Variants in AGBL3 observed in about 807,000 individuals in gnomAD.
The protein encoded by AGBL3 is AGBL carboxypeptidase 3.
In AGBL3, 68 loss-of-function variants were observed where a neutral mutation model predicts 94.5. The ratio of observed to expected loss-of-function variants is 0.72; its 90% CI spans 0.59 to 0.88. AGBL3 has a LOEUF of 0.88. AGBL3 is among the 40% of genes least tolerant of loss of function. The pLI, the probability that AGBL3 is intolerant of heterozygous loss-of-function variation, is 0.00. For synonymous variants in AGBL3, 354 were observed against 370.7 expected (o/e 0.95, Z 0.52); for missense variants, 934 against 1,103.8 (o/e 0.85, Z 2.18).
rs1159570064 is a variant in AGBL3, at chr7:135,034,154, A to T, written c.563A>T (p.Glu188Val). ...CTTTCTTTCTTGTGTATTAGGGCAG[A>T]ATACGAATACCAATTGACTGTACGC... ...GNLQKVVKVA[E>V]YEYQLTVRPD... The change falls in exon 7 of 17, where the codon GAA becomes GTA. Residue 188 changes from glutamate to valine, a missense_variant. Transcript: ENST00000436302. 4 of 1,532,024 alleles carry T rather than the reference A, an allele frequency of 2.6e-6. No individual in the cohort carries two copies. The highest frequency in any genetic ancestry group is 2.7e-5 in the African/African-American group (2 of 72,752). The allele number at this position is 1,532,024 out of a possible 1,614,324, so 94.9% of individuals were successfully genotyped here.
intron 15 of AGBL3, among the ~76,000 whole-genome samples, chr7:135,111,452 C>T (rs1825625608): frequency 6.6e-6 from 1 of 152,172 alleles, no homozygotes; most frequent in African/African-American, 2.4e-5. Flanking sequence ...TAAACTATTT[C>T]CCTTGATTCA....
At chr7:134,996,937 G>A (rs1811082581) in intron 4 of AGBL3, among the ~76,000 whole-genome samples, 1 of 152,206 alleles carries the variant, frequency 6.6e-6, no homozygotes, top group African/African-American at 2.4e-5. Context: ...ATTCAGAGAA[G>A]CCATTATACT....
chr7:135,135,534 A>T lies in AGBL3; in HGVS notation c.*273A>T. 1 of 248,006 alleles carries T rather than the reference A, an allele frequency of 4.0e-6. No individual in the cohort carries two copies. Among genetic ancestry groups the T allele is most frequent in the Non-Finnish European group, 7.6e-6 (1 of 131,050 alleles). 15.4% of individuals were successfully genotyped at this position (248,006 alleles called of 1,614,324 possible). A position where few individuals can be genotyped will look rare whatever the true frequency, so the allele number is the denominator to read the frequency against. On this transcript the variant is annotated 3_prime_UTR_variant, in exon 17 of 17. Coordinates refer to ENST00000436302, the MANE Select transcript of AGBL3 (RefSeq NM_178563.4). The stretch of plus-strand genomic sequence containing the variant: ...ATGGAAAAAAATCTCTGAAGTTTTG[A>T]TTTCTTCCAAAACTACTTACACATT...
chr7:135,034,929 G>A lies in AGBL3; in HGVS notation c.1337+1G>A. The A allele has an allele frequency of 6.7e-7, 1 of 1,484,686 alleles. No individual in the cohort carries two copies. Among genetic ancestry groups the A allele is most frequent in the South Asian group, 1.4e-5 (1 of 70,680 alleles). The allele number at this position is 1,484,686 out of a possible 1,614,324, so 92.0% of individuals were successfully genotyped here. A position where few individuals can be genotyped will look rare whatever the true frequency, so the allele number is the denominator to read the frequency against. ...GGTATACCCGGAACATGGTTCATAG[G>A]TAAAATAAGCCTCAAATTACCTCTG... On this transcript the variant is annotated splice_donor_variant, in intron 7 of 16. Transcript: ENST00000436302. LOFTEE classifies it high-confidence loss of function.
chr7:135,041,890 A>C (rs1816891160), intron 8 of AGBL3, among the ~76,000 whole-genome samples: 2 of 152,186 alleles, frequency 1.3e-5, no homozygotes, highest in Admixed American at 1.3e-4. Flanking sequence ...ATTTCCAAAA[A>C]GGATATGTGA....
chr7:135,025,376 G>C (rs562257692), intron 5 of AGBL3, among the ~76,000 whole-genome samples: 50 of 151,678 alleles, frequency 3.3e-4, no homozygotes, highest in South Asian at 8.6e-4. Context: ...GCTTCCACAA[G>C]TGAAGGAGAA....
chr7:135,055,240 G>T (rs927495628), intron 11 of AGBL3, among the ~76,000 whole-genome samples: 25 of 152,108 alleles, frequency 1.6e-4, no homozygotes, highest in Non-Finnish European at 3.4e-4. Flanking sequence ...CATGAGTTTG[G>T]GTGGGGACAA....
At chr7:135,037,261 TA>T (rs1300774648) in intron 7 of AGBL3, among the ~76,000 whole-genome samples, 156 bp from the exon 8 acceptor site, 1 of 152,110 alleles carries the variant, frequency 6.6e-6, no homozygotes, top group Non-Finnish European at 1.5e-5. Context: ...ATTGTAGATT[TA>T]AAAAATTGTA....
intron 1 of AGBL3, among the ~76,000 whole-genome samples, chr7:134,987,254 A>G (rs1809584652): frequency 6.6e-6 from 1 of 152,238 alleles, no homozygotes; most frequent in Admixed American, 6.5e-5. Context: ...TTGGTCTCTC[A>G]AGAACGATGG....
At chr7:134,995,040 A>T (rs549710953) in intron 4 of AGBL3, among the ~76,000 whole-genome samples, 1 of 152,296 alleles carries the variant, frequency 6.6e-6, no homozygotes, top group South Asian at 2.1e-4. Context: ...TCCAACAGAG[A>T]AAACACTGCC....
At chr7:135,095,491 C>T (rs947333774) in intron 15 of AGBL3, among the ~76,000 whole-genome samples, 5 of 152,182 alleles carry the variant, frequency 3.3e-5, no homozygotes, top group African/African-American at 7.2e-5. Context: ...AGTCCAATTC[C>T]TTGTCAGATT....
At chr7:135,127,352 C>T (rs1319489796) in intron 16 of AGBL3, among the ~76,000 whole-genome samples, 4 of 151,924 alleles carry the variant, frequency 2.6e-5, no homozygotes, top group South Asian at 2.1e-4. Flanking sequence ...GTCAGAATAT[C>T]GAGACCATCC....
chr7:135,128,291 CAAAAAAAAAAAAA>C (rs61217008), intron 16 of AGBL3, among the ~76,000 whole-genome samples: 4 of 58,070 alleles, frequency 6.9e-5, no homozygotes, highest in South Asian at 2.3e-3. Flanking sequence ...GACTCCATCT[CAAAAAAAAAAAAA>C]AAAAAAAAAA....
intron 11 of AGBL3, among the ~76,000 whole-genome samples, chr7:135,057,313 A>G (rs1166298980): frequency 6.6e-6 from 1 of 152,198 alleles, no homozygotes; most frequent in Non-Finnish European, 1.5e-5. Flanking sequence ...GGGATAACAT[A>G]GGAGGAAAGC....
At chr7:135,059,502 T>G (rs1818638373) in intron 12 of AGBL3, among the ~76,000 whole-genome samples, 1 of 152,232 alleles carries the variant, frequency 6.6e-6, no homozygotes, top group Non-Finnish European at 1.5e-5. Context: ...ACAGAGGTGG[T>G]AGCCTAACAT....
At chr7:135,081,174 C>T (rs545490833) in intron 14 of AGBL3, among the ~76,000 whole-genome samples, 1 of 151,832 alleles carries the variant, frequency 6.6e-6, no homozygotes. Flanking sequence ...ATTTTAATGT[C>T]AAAAATTAAA....
At chr7:135,023,881 T>C (rs1814787016) in intron 5 of AGBL3, among the ~76,000 whole-genome samples, 1 of 152,170 alleles carries the variant, frequency 6.6e-6, no homozygotes, top group Admixed American at 6.5e-5. Flanking sequence ...CCCAGTGGCC[T>C]AGGAGCACTT....
At chr7:135,050,991 A>T in intron 11 of AGBL3, 1 of 414,390 alleles carries the variant, frequency 2.4e-6, no homozygotes, top group South Asian at 1.8e-5. Flanking sequence ...TCTTCTCTTC[A>T]AATTATTTCT....
intron 5 of AGBL3, among the ~76,000 whole-genome samples, chr7:135,030,780 G>A (rs2116407768): frequency 6.6e-6 from 1 of 151,638 alleles, no homozygotes; most frequent in East Asian, 1.9e-4. Flanking sequence ...TTTCAGTTTG[G>A]ACAATTTTTA....
Sources: allele counts gnomAD v4.1 joint callset (sites outside exome capture counted in the v4.1 genomes callset), GRCh38; gene constraint gnomAD v4.1.1; transcripts MANE v1.5; gene names NCBI Gene and HGNC (gene_info 2026-07-23, HGNC 2026-07-21).